The following CNTN4 variants were observed in gnomAD, a reference collection of about 807,000 sequenced individuals.
The protein encoded by CNTN4 is contactin-4.
A neutral mutation model predicts 122.5 loss-of-function variants in CNTN4; 77 were observed. The ratio of observed to expected loss-of-function variants is 0.63; its 90% CI spans 0.52 to 0.76. The LOEUF (loss-of-function observed/expected upper bound fraction) is 0.76, where lower values mean the gene tolerates loss of function less well. Among genes scored for constraint, CNTN4 ranks in the 30% least tolerant of loss-of-function variants. The pLI is 0.00. For synonymous variants in CNTN4, 512 were observed against 447.0 expected (o/e 1.15, Z -1.83); for missense variants, 1,256 against 1,259.1 (o/e 1.00, Z 0.04).
chr3:2,412,702 C>CT (rs966704798), intron 3 of CNTN4, among the ~76,000 whole-genome samples: 67 of 147,466 alleles, frequency 4.5e-4, no homozygotes, highest in Non-Finnish European at 6.9e-4. Flanking sequence ...AATAACAGGG[C>CT]TTTTTTTTTT....
intron 4 of CNTN4, among the ~76,000 whole-genome samples, chr3:2,624,248 C>T (rs2082097255): frequency 6.6e-6 from 1 of 152,102 alleles, no homozygotes; most frequent in African/African-American, 2.4e-5. Context: ...ATAGGTTTCA[C>T]CAGTACACTA....
At position 2,544,248 on chromosome 3, in the gene CNTN4, A is replaced by G. The variant is rs191945388; in HGVS notation, c.-88-27168A>G. 3.0e-4 allele frequency among the ~76,000 whole-genome samples: 45 copies of G among 152,198 alleles called. 1 individual carries two copies. The highest frequency in any genetic ancestry group is 2.8e-3 in the Admixed American group (42 of 15,256). On this transcript the variant is annotated intron_variant, in intron 3 of 24. Coordinates refer to ENST00000418658, the MANE Select transcript of CNTN4 (RefSeq NM_175607.3). ...GCATCAAGCTTAAGTATTTTGGTAA[A>G]TGATGGAGACACGCTCCTCAGTGCC... is the stretch of plus-strand genomic sequence containing the variant.
chr3:2,450,700 C>G (rs1373162296), intron 3 of CNTN4, among the ~76,000 whole-genome samples: 2 of 152,162 alleles, frequency 1.3e-5, no homozygotes, highest in South Asian at 2.1e-4. Flanking sequence ...CCAATACAGG[C>G]TCCTTGCTAA....
intron 7 of CNTN4, among the ~76,000 whole-genome samples, chr3:2,861,376 T>C (rs1390580571): frequency 6.6e-6 from 1 of 152,190 alleles, no homozygotes; most frequent in Non-Finnish European, 1.5e-5. Context: ...TGCAAACAAC[T>C]GATGCTTTGT....
At chr3:2,705,992 A>G (rs867111675) in intron 4 of CNTN4, among the ~76,000 whole-genome samples, 3 of 137,770 alleles carry the variant, frequency 2.2e-5, no homozygotes, top group Non-Finnish European at 4.6e-5. Context: ...AATATAAAAT[A>G]AATATATAAA....
At chr3:2,858,410 G>C (rs896556068) in intron 7 of CNTN4, among the ~76,000 whole-genome samples, 1 of 152,254 alleles carries the variant, frequency 6.6e-6, no homozygotes, top group East Asian at 1.9e-4. Context: ...GATATTTGAG[G>C]ACTATGTTTG....
At chr3:2,106,575 G>A (rs1305891897) in intron 2 of CNTN4, among the ~76,000 whole-genome samples, 3 of 152,198 alleles carry the variant, frequency 2.0e-5, no homozygotes, top group East Asian at 3.9e-4. Context: ...TGGCTGGGAC[G>A]CAGGGCACCA....
chr3:2,281,503 T>G (rs2041711884), intron 2 of CNTN4, among the ~76,000 whole-genome samples: 1 of 152,094 alleles, frequency 6.6e-6, no homozygotes, highest in Non-Finnish European at 1.5e-5. Context: ...CGTTGTGGTC[T>G]TACACTGCTC....
intron 3 of CNTN4, among the ~76,000 whole-genome samples, chr3:2,389,660 A>G (rs2046374869): frequency 6.6e-6 from 1 of 152,082 alleles, no homozygotes; most frequent in Non-Finnish European, 1.5e-5. Context: ...GATCTTATCT[A>G]TCTCCTTCAT....
chr3:2,766,503 C>G (rs748323849), intron 6 of CNTN4, among the ~76,000 whole-genome samples: 1 of 152,130 alleles, frequency 6.6e-6, no homozygotes, highest in Non-Finnish European at 1.5e-5. Context: ...AATGGAAAAC[C>G]AAACATCGTA....
intron 2 of CNTN4, among the ~76,000 whole-genome samples, chr3:2,324,448 A>G (rs1187332112): frequency 6.6e-6 from 1 of 152,190 alleles, no homozygotes; most frequent in Non-Finnish European, 1.5e-5. Flanking sequence ...TATATCCAGA[A>G]GCATAAGACG....
rs867945410 is a variant in CNTN4 at position 2,457,025 on chromosome 3, A to C, written c.-88-114391A>C. On this transcript the variant is annotated intron_variant, in intron 3 of 24. Coordinates refer to ENST00000418658, the MANE Select transcript of CNTN4 (RefSeq NM_175607.3). ...AGGAAATGGATTCACAGAGAGGTTA[A>C]AGTACCTCATATTGGGTCACGCTGA... Among the ~76,000 whole-genome samples, 8 of 152,206 alleles carry C rather than the reference A, an allele frequency of 5.3e-5. No individual in the cohort carries two copies. In the Middle Eastern group the frequency reaches 0.017, roughly 324 times the overall value.
chr3:2,281,269 A>G (rs2041704439), intron 2 of CNTN4, among the ~76,000 whole-genome samples: 2 of 152,132 alleles, frequency 1.3e-5, no homozygotes, highest in Admixed American at 1.3e-4. Context: ...TTGAGCCTCA[A>G]TCTGCTTGTC....
rs779731566 is a variant in CNTN4, at chr3:3,030,929, A to G, written c.1737A>G (p.Gln579=). The G allele has an allele frequency of 3.7e-6, 6 of 1,613,942 alleles. No individual in the cohort carries two copies. The South Asian group carries it at 4.4e-5, about 12-fold the overall frequency. The change falls in exon 16 of 25, where the codon CAA becomes CAG. Residue 579 remains glutamine (Q), a synonymous_variant. Transcript: ENST00000418658. ...CTGGGAAATATGTCTGCATGGTCCA[A>G]ACAAGTGTGGACAGGCTATCTGCTG... ...KHAGKYVCMV[Q]TSVDRLSAAA... is the part of the protein sequence containing the mutation.
chr3:2,728,329 A>G (rs912298556), intron 4 of CNTN4, among the ~76,000 whole-genome samples: 2 of 152,220 alleles, frequency 1.3e-5, no homozygotes, highest in African/African-American at 4.8e-5. Flanking sequence ...CCTAATCATT[A>G]GGAAGCCTGG....
At chr3:2,982,259 GGAATCATCTTCA>G (rs1694095787) in intron 13 of CNTN4, among the ~76,000 whole-genome samples, 2 of 152,086 alleles carry the variant, frequency 1.3e-5, no homozygotes, top group African/African-American at 2.4e-5. Context: ...CAGTCATCAC[GGAATCATCTTCA>G]GAATCCATTC....
At chr3:2,226,501 C>T (rs928671343) in intron 2 of CNTN4, among the ~76,000 whole-genome samples, 1 of 152,140 alleles carries the variant, frequency 6.6e-6, no homozygotes, top group Non-Finnish European at 1.5e-5. Context: ...TTCTACACTG[C>T]TGGTTAACAG....
At chr3:2,634,366 TATAGCAAATAA>T (rs1489456547) in intron 4 of CNTN4, among the ~76,000 whole-genome samples, 1 of 152,204 alleles carries the variant, frequency 6.6e-6, no homozygotes, top group Non-Finnish European at 1.5e-5. Context: ...ATTTGTTTAA[TATAGCAAATAA>T]GTATTCCTTC....
chr3:2,972,503 C>T (rs979389273), intron 13 of CNTN4, among the ~76,000 whole-genome samples: 1 of 152,144 alleles, frequency 6.6e-6, no homozygotes. Flanking sequence ...CATTTTTAAA[C>T]TGATTATAGG....
Sources: allele counts gnomAD v4.1 joint callset (sites outside exome capture counted in the v4.1 genomes callset), GRCh38; gene constraint gnomAD v4.1.1; transcripts MANE v1.5; gene names NCBI Gene and HGNC (gene_info 2026-07-23, HGNC 2026-07-21).